PGD: variants seen among roughly 807,000 people sequenced by gnomAD.
PGD encodes phosphogluconate dehydrogenase.
Under a neutral mutation model 60.4 loss-of-function variants are expected in PGD, and 21 were observed. The ratio of observed to expected loss-of-function variants is 0.35; its 90% CI spans 0.25 to 0.50. The LOEUF is 0.50. PGD is among the 20% of genes least tolerant of loss of function. PGD has a pLI of 0.98. For synonymous variants in PGD, 230 were observed against 235.9 expected, an observed-to-expected ratio of 0.97 and a Z score of 0.23; for missense variants, 477 against 613.1, an observed-to-expected ratio of 0.78 and a Z score of 2.34.
Position 10,399,095 on chromosome 1 carries a change from T to G in PGD, c.-23T>G, listed in dbSNP as rs770405684. The G allele has an allele frequency of 2.5e-6, 4 of 1,609,372 alleles. No homozygotes were observed. The African/African-American group carries it at 5.3e-5, about 22-fold the overall frequency. ...CTCGTCCTCCGCGCGTCGCCGCTCT[T>G]CGGTTCTGCTCTGTCCGCCGCCATG... On this transcript the variant is annotated 5_prime_UTR_variant, in exon 1 of 13. Coordinates refer to ENST00000270776, the MANE Select transcript of PGD (RefSeq NM_002631.4).
chr1:10,417,600 A>G lies in PGD; in HGVS notation c.1109+91A>G, dbSNP rs200485143. 249 of 1,328,184 alleles carry G rather than the reference A, an allele frequency of 1.9e-4. 2 individuals are homozygous for G. The East Asian group carries it at 3.4e-3, about 18-fold the overall frequency. The allele number at this position is 1,328,184 out of a possible 1,614,324, so 82.3% of individuals were successfully genotyped here. ...AGGACACTTAGCTTGAGCAGTTTCC[A>G]GGGATGGGCACTTAGCCCCATCACT... On this transcript the variant is annotated intron_variant, in intron 10 of 12. Transcript: ENST00000270776.
At chr1:10,402,548 G>A (rs1252184446) in intron 3 of PGD, among the ~76,000 whole-genome samples, 12 of 150,834 alleles carry the variant, frequency 8.0e-5, no homozygotes, top group Non-Finnish European at 8.9e-5. Flanking sequence ...TTTGAGACGG[G>A]GTCTCACTCT....
intron 11 of PGD, among the ~76,000 whole-genome samples, 176 bp from the exon 12 acceptor site, chr1:10,419,241 A>ACTC (rs1377376689): frequency 6.7e-6 from 1 of 148,722 alleles, no homozygotes; most frequent in Non-Finnish European, 1.5e-5. Flanking sequence ...CTGGTCTTGA[A>ACTC]CTCCTGACCT....
At chr1:10,419,048 A>T (rs1264377382) in intron 11 of PGD, 123 bp downstream of exon 11, 3 of 631,874 alleles carry the variant, frequency 4.7e-6, no homozygotes, top group Non-Finnish European at 8.4e-6. Context: ...TCGCTCTGTC[A>T]CCCAGGCTGG....
chr1:10,420,492 A>C lies in PGD; in HGVS notation c.*743A>C, dbSNP rs938828969. On this transcript the variant is annotated 3_prime_UTR_variant, in exon 13 of 13. Transcript: ENST00000270776. ...TTCATACTAAACTTTCTAGAGAATT[A>C]AACTTTAATGATGGGCTCAGCTTGG... Among the ~76,000 whole-genome samples, 1 of 150,946 alleles carries C rather than the reference A, an allele frequency of 6.6e-6. No homozygotes were observed.
rs1415804819 is a variant in PGD, at chr1:10,399,630, G to A, written c.10G>A (p.Ala4Thr). Residue 4 changes from alanine to threonine, a missense_variant and splice_region_variant, in exon 2 of 13, where the codon GCT becomes ACT. Transcript: ENST00000270776. ...TTTGTTCTGTTTCTGCCTCTCTAGA[G>A]CTGACATCGCGCTGATCGGATTGGC... Reference protein sequence around the residue: MAQADIALIGLAVM... With the variant: MAQTDIALIGLAVM... 2 of 1,613,660 alleles carry A rather than the reference G, an allele frequency of 1.2e-6. No individual in the cohort carries two copies. Among genetic ancestry groups the A allele is most frequent in the East Asian group, 2.2e-5 (1 of 44,874 alleles).
Position 10,399,676 on chromosome 1 carries a change from T to C in PGD, c.56T>C (p.Ile19Thr). 6.2e-7 allele frequency: 1 copy of C among 1,614,158 alleles called. No homozygotes were observed. Among genetic ancestry groups the C allele is most frequent in the African/African-American group, 1.3e-5 (1 of 75,072 alleles). ...IGLAVMGQNL[I>T]LNMNDHGFVV... Reference sequence around the variant, plus strand: ...TTGGCCGTCATGGGCCAGAACTTAATTCTGAACATGAATGACCACGGCTTT... The same window carrying C: ...TTGGCCGTCATGGGCCAGAACTTAACTCTGAACATGAATGACCACGGCTTT... The change falls in exon 2 of 13, where the codon ATT becomes ACT. Residue 19 changes from isoleucine to threonine, a missense_variant. Coordinates refer to ENST00000270776, the MANE Select transcript of PGD (RefSeq NM_002631.4).
intron 10 of PGD, among the ~76,000 whole-genome samples, chr1:10,418,551 C>T (rs958292804): frequency 2.0e-4 from 31 of 151,984 alleles, no homozygotes; most frequent in African/African-American, 4.1e-4. Flanking sequence ...CCGAGGCAGG[C>T]GGATCACGAG....
chr1:10,411,944 C>T (rs923211058), intron 7 of PGD, among the ~76,000 whole-genome samples: 1 of 152,204 alleles, frequency 6.6e-6, no homozygotes, highest in African/African-American at 2.4e-5. Flanking sequence ...GAAGCTGAAG[C>T]ATTTCCCCCA....
chr1:10,402,176 G>C (rs1639326980), intron 3 of PGD, among the ~76,000 whole-genome samples: 1 of 152,084 alleles, frequency 6.6e-6, no homozygotes, highest in South Asian at 2.1e-4. Context: ...TAAACCATTT[G>C]ATATGTATTT....
chr1:10,416,765 G>A (rs145568297), intron 8 of PGD, among the ~76,000 whole-genome samples: 67 of 152,192 alleles, frequency 4.4e-4, no homozygotes, highest in Non-Finnish European at 9.1e-4. Context: ...GAGAAGGAAT[G>A]TCACAAGGTT....
At chr1:10,410,029 TTGA>T (rs1639474310) in intron 6 of PGD, among the ~76,000 whole-genome samples, 1 of 152,118 alleles carries the variant, frequency 6.6e-6, no homozygotes, top group African/African-American at 2.4e-5. Flanking sequence ...CCTACGTGTG[TTGA>T]TCAAGCAGGC....
chr1:10,403,452 A>G (rs1326541573), intron 4 of PGD, among the ~76,000 whole-genome samples: 2 of 152,016 alleles, frequency 1.3e-5, no homozygotes, highest in Non-Finnish European at 2.9e-5. Flanking sequence ...TTAGCCTGGC[A>G]TGGTGGCATG....
rs1269697697 is a variant in PGD, at chr1:10,420,350, G to A, written c.*601G>A. 6.6e-6 allele frequency among the ~76,000 whole-genome samples: 1 copy of A among 150,404 alleles called. No individual in the cohort carries two copies. The highest frequency in any genetic ancestry group is 1.9e-4 in the East Asian group (1 of 5,148). ...GTTTTCTTTCTCCAATTGGGCAATG[G>A]GTACATGGACGTTCACTGTAACGTG... On this transcript the variant is annotated 3_prime_UTR_variant, in exon 13 of 13. Transcript: ENST00000270776.
At position 10,417,005 on chromosome 1, in the gene PGD, G is replaced by A. The variant is rs1639606902; in HGVS notation, c.863G>A (p.Arg288Gln). The A allele has an allele frequency of 1.2e-6, 2 of 1,613,442 alleles. No individual in the cohort carries two copies. The highest frequency in any genetic ancestry group is 1.3e-5 in the African/African-American group (1 of 74,878). ...VTLIGEAVFA[R>Q]CLSSLKDERI... is the part of the protein sequence containing the mutation. ...CATGTAGGAGAAGCTGTCTTTGCTC[G>A]GTGCTTATCATCTCTGAAGGATGAG... The change falls in exon 9 of 13, where the codon CGG becomes CAG. Residue 288 changes from arginine to glutamine, a missense_variant. Around this residue, in one of 3 missense-constraint regions of PGD, gnomAD observed 431 missense variants for 556.6 expected, o/e 0.77. Transcript: ENST00000270776.
chr1:10,402,948 A>C, intron 3 of PGD, 123 bp from the exon 4 acceptor site: 1 of 727,328 alleles, frequency 1.4e-6, no homozygotes, highest in Non-Finnish European at 2.5e-6. Flanking sequence ...CCTGCATTCC[A>C]AGCTGGGCAA....
chr1:10,407,624 G>A (rs930372354), intron 5 of PGD, among the ~76,000 whole-genome samples: 33 of 152,094 alleles, frequency 2.2e-4, no homozygotes, highest in Non-Finnish European at 4.0e-4. Flanking sequence ...TTATCTTTTT[G>A]TGGGCACTTC....
At position 10,420,393 on chromosome 1, in the gene PGD, T is replaced by C. The variant is rs1207160975; in HGVS notation, c.*644T>C. Among the ~76,000 whole-genome samples the C allele has an allele frequency of 2.8e-5, 2 of 70,626 alleles. No homozygotes were observed. Among genetic ancestry groups the C allele is most frequent in the African/African-American group, 1.0e-4 (2 of 19,946 alleles). 46.3% of individuals were successfully genotyped at this position (70,626 alleles called of 152,430 possible). ...GTAACGTGCTTTTTCTTTCGTCTTT[T>C]TTTTTTTTTTTTTTTTTTTTGCTCC... On this transcript the variant is annotated 3_prime_UTR_variant, in exon 13 of 13. Coordinates refer to ENST00000270776, the MANE Select transcript of PGD (RefSeq NM_002631.4).
chr1:10,411,954 A>G (rs1639507802), intron 7 of PGD, among the ~76,000 whole-genome samples: 1 of 152,218 alleles, frequency 6.6e-6, no homozygotes, highest in Non-Finnish European at 1.5e-5. Context: ...CATTTCCCCC[A>G]ACATTTTATT....
Sources: allele counts gnomAD v4.1 joint callset (sites outside exome capture counted in the v4.1 genomes callset), GRCh38; gene constraint gnomAD v4.1.1; regional missense constraint gnomAD v4.1.1; transcripts MANE v1.5; gene names NCBI Gene and HGNC (gene_info 2026-07-23, HGNC 2026-07-21).